SLC7A9: variants seen among roughly 807,000 people sequenced by gnomAD.
SLC7A9 encodes the protein solute carrier family 7 member 9, also known as B(0,+)-type amino acid transporter 1.
Under a neutral mutation model 54.1 loss-of-function variants are expected in SLC7A9, and 38 were observed. That is an observed-to-expected ratio of 0.70 (90% CI 0.54 to 0.92). The LOEUF (loss-of-function observed/expected upper bound fraction) is 0.92, where lower values mean the gene tolerates loss of function less well. Among genes scored for constraint, SLC7A9 ranks in the 40% least tolerant of loss-of-function variants. SLC7A9 has a pLI of 0.00. For synonymous variants in SLC7A9, 264 were observed against 258.9 expected (o/e 1.02, Z -0.19); for missense variants, 537 against 636.1 (o/e 0.84, Z 1.68).
intron 9 of SLC7A9, 56 bp downstream of exon 9, chr19:32,858,384 T>G (rs1599678748): frequency 8.4e-7 from 1 of 1,194,512 alleles, no homozygotes; most frequent in Non-Finnish European, 1.2e-6. Flanking sequence ...TCCTCGGGGG[T>G]GATATTGCTT....
At chr19:32,842,408 TAAACACTTTAGCATG>T in intron 10 of SLC7A9, 91 bp from the exon 11 acceptor site, 1 of 1,301,536 alleles carries the variant, frequency 7.7e-7, no homozygotes, top group Non-Finnish European at 1.1e-6. Context: ...TTCTTGTGAA[TAAACACTTTAGCATG>T]AAACGAACTT....
At chr19:32,847,016 C>A (rs1968318394) in intron 9 of SLC7A9, among the ~76,000 whole-genome samples, 1 of 152,156 alleles carries the variant, frequency 6.6e-6, no homozygotes, top group African/African-American at 2.4e-5. Context: ...AAAGGACATC[C>A]ACACCAAAAA....
At chr19:32,865,499 G>A (rs1352756332) in intron 2 of SLC7A9, among the ~76,000 whole-genome samples, 1 of 152,206 alleles carries the variant, frequency 6.6e-6, no homozygotes, top group Non-Finnish European at 1.5e-5. Flanking sequence ...GGAGCTTTCT[G>A]AGAACAGAAC....
intron 7 of SLC7A9, chr19:32,860,311 C>T: frequency 4.3e-6 from 6 of 1,388,312 alleles, no homozygotes; most frequent in Non-Finnish European, 5.6e-6. Context: ...AATCCCAGCA[C>T]TTTGGGAGGC....
In SLC7A9 at chr19:32,858,459, T is replaced by TCC. The variant is rs770340227; in HGVS notation, c.956_957dup (p.Thr320GlyfsTer43). ...CCCTACCTGCCCGCTGTGAAGCAGG[T>TCC]CCCGTTAGCAGCACCGATGGTTGAA... is the stretch of plus-strand genomic sequence containing the variant. On this transcript the variant is annotated frameshift_variant, in exon 9 of 13. Transcript: ENST00000023064. LOFTEE classifies it high-confidence loss of function. The TCC allele has an allele frequency of 6.2e-7, 1 of 1,613,100 alleles. No homozygotes were observed.
rs908042145 is a variant in SLC7A9, at chr19:32,830,574, T to C, written c.*46A>G. On this transcript the variant is annotated 3_prime_UTR_variant, in exon 13 of 13. Transcript: ENST00000023064. The stretch of plus-strand genomic sequence containing the variant: ...AGGAAGAAATAACCACAAATATTGC[T>C]TAAGAAAATAAATTCAGCTGACTTG... The C allele has an allele frequency of 4.2e-6, 6 of 1,423,176 alleles. No homozygotes were observed. The African/African-American group carries it at 4.2e-5, about 10-fold the overall frequency. 88.2% of individuals were successfully genotyped at this position (1,423,176 alleles called of 1,614,324 possible). A position where few individuals can be genotyped will look rare whatever the true frequency, so the allele number is the denominator to read the frequency against.
intron 9 of SLC7A9, among the ~76,000 whole-genome samples, chr19:32,846,068 C>T (rs977330560): frequency 4.6e-5 from 7 of 152,188 alleles, no homozygotes; most frequent in Admixed American, 6.5e-5. Context: ...GGAACAGCTC[C>T]GGTCTACAGC....
At chr19:32,838,356 GTAAC>G (rs1051763232) in intron 11 of SLC7A9, among the ~76,000 whole-genome samples, 2 of 151,314 alleles carry the variant, frequency 1.3e-5, no homozygotes, top group East Asian at 3.9e-4. Context: ...GAGAGTTACT[GTAAC>G]TATTATAGCT....
chr19:32,832,415 C>T (rs1967825060), intron 12 of SLC7A9, among the ~76,000 whole-genome samples: 1 of 151,696 alleles, frequency 6.6e-6, no homozygotes, highest in Admixed American at 6.6e-5. Context: ...GGTAAAACCT[C>T]ATCTGTACTA....
At position 32,839,294 on chromosome 19, in the gene SLC7A9, C is replaced by T. The variant is rs1968062032; in HGVS notation, c.1224+2874G>A. On this transcript the variant is annotated intron_variant, in intron 11 of 12. Coordinates refer to ENST00000023064, the MANE Select transcript of SLC7A9 (RefSeq NM_014270.5). ...AATTGGCGGGGCACGGTGGCTCACA[C>T]CTGTAATCCCAGCACTTTGGAAGGC... is the stretch of plus-strand genomic sequence containing the variant. 2.0e-5 allele frequency among the ~76,000 whole-genome samples: 3 copies of T among 152,108 alleles called. No individual in the cohort carries two copies. In the South Asian group the frequency reaches 6.2e-4, roughly 31 times the overall value.
At chr19:32,844,036 C>T (rs892541092) in intron 9 of SLC7A9, 85 bp from the exon 10 acceptor site, 6 of 1,024,852 alleles carry the variant, frequency 5.9e-6, no homozygotes, top group Middle Eastern at 2.9e-4. Flanking sequence ...CCGGGGTCCA[C>T]CAAGGAGCCC....
chr19:32,844,021 G>A, intron 9 of SLC7A9, 70 bp from the exon 10 acceptor site: 1 of 1,193,162 alleles, frequency 8.4e-7, no homozygotes, highest in African/African-American at 1.5e-5. Context: ...CTGAGGACTT[G>A]TGCTCCGGGG....
intron 2 of SLC7A9, among the ~76,000 whole-genome samples, chr19:32,868,161 G>A (rs1173538564): frequency 6.7e-6 from 1 of 148,788 alleles, no homozygotes; most frequent in Non-Finnish European, 1.5e-5. Flanking sequence ...AACCGGGGAG[G>A]TGAAGGTTGC....
chr19:32,850,806 G>C (rs1968445042), intron 9 of SLC7A9, among the ~76,000 whole-genome samples: 10 of 152,086 alleles, frequency 6.6e-5, no homozygotes, highest in Admixed American at 6.6e-4. Flanking sequence ...AAACAGCATG[G>C]TACTGGTACC....
At chr19:32,844,883 A>AAAAAAAAAAG (rs1968239751) in intron 9 of SLC7A9, among the ~76,000 whole-genome samples, 1 of 142,150 alleles carries the variant, frequency 7.0e-6, no homozygotes, top group Non-Finnish European at 1.6e-5. Context: ...AAAAAAAAAA[A>AAAAAAAAAAG]GCCAGATGTG....
At chr19:32,856,058 G>T (rs1367261177) in intron 9 of SLC7A9, among the ~76,000 whole-genome samples, 2 of 152,102 alleles carry the variant, frequency 1.3e-5, no homozygotes, top group East Asian at 3.8e-4. Flanking sequence ...AAGGAAGAGG[G>T]GCCTGGGATG....
chr19:32,859,435 C>T (rs528971307), intron 8 of SLC7A9, among the ~76,000 whole-genome samples: 3 of 152,118 alleles, frequency 2.0e-5, no homozygotes, highest in African/African-American at 7.2e-5. Flanking sequence ...AAATCCCCAA[C>T]ACGTGGTTGT....
intron 9 of SLC7A9, among the ~76,000 whole-genome samples, chr19:32,856,994 T>C (rs1164403839): frequency 6.6e-6 from 1 of 151,968 alleles, no homozygotes; most frequent in Non-Finnish European, 1.5e-5. Flanking sequence ...CTACTAAAAA[T>C]ACAAAAATTA....
chr19:32,840,319 T>C, intron 11 of SLC7A9, among the ~76,000 whole-genome samples: 1 of 152,052 alleles, frequency 6.6e-6, no homozygotes, highest in African/African-American at 2.4e-5. Flanking sequence ...ACTATAGGCG[T>C]GCACCACCAC....
Sources: gnomAD v4.1 joint callset for allele counts (sites outside exome capture counted in the v4.1 genomes callset) on GRCh38, gnomAD v4.1.1 for gene constraint, MANE v1.5 for transcripts, NCBI Gene and HGNC (gene_info 2026-07-23, HGNC 2026-07-21) for gene names.